The following BICC1 variants were observed in gnomAD, a reference collection of about 807,000 sequenced individuals.
BICC1 encodes BicC family RNA binding protein 1.
Under a neutral mutation model 111.0 loss-of-function variants are expected in BICC1, and 43 were observed. The ratio of observed to expected loss-of-function variants is 0.39; its 90% CI spans 0.30 to 0.50. BICC1 has a LOEUF of 0.50. BICC1 is among the 20% of genes least tolerant of loss of function. The probability of loss-of-function intolerance (pLI) is 0.88; values close to 1 mark genes in which losing one functional copy is unlikely to be tolerated. For missense variants in BICC1, 1,091 were observed against 1,203.2 expected (o/e 0.91, Z 1.38); for synonymous variants, 467 against 434.4 (o/e 1.07, Z -0.93).
intron 3 of BICC1, among the ~76,000 whole-genome samples, chr10:58,774,821 A>G (rs1435089194): frequency 1.3e-5 from 2 of 152,190 alleles, no homozygotes; most frequent in African/African-American, 2.4e-5. Context: ...CTTTATTCAT[A>G]GTTATATATT....
chr10:58,641,785 A>G (rs571615009), intron 2 of BICC1, among the ~76,000 whole-genome samples: 1 of 152,332 alleles, frequency 6.6e-6, no homozygotes, highest in South Asian at 2.1e-4. Context: ...TAAAACACAC[A>G]TAAAAGTTAC....
rs889972705 is a variant in BICC1 at position 58,804,508 on chromosome 10, A to T, written c.2181+1266A>T. ...ACTCTAGCCTGGGAGAGAGAGCGAGACCCTGTCTCAAAAATTAAAAATAAA... is the reference window on the plus strand; with the variant it reads ...ACTCTAGCCTGGGAGAGAGAGCGAGTCCCTGTCTCAAAAATTAAAAATAAA... On this transcript the variant is annotated intron_variant, in intron 15 of 20. Coordinates refer to ENST00000373886, the MANE Select transcript of BICC1 (RefSeq NM_001080512.3). Among the ~76,000 whole-genome samples, 6 of 152,134 alleles carry T rather than the reference A, an allele frequency of 3.9e-5. No individual in the cohort carries two copies. In the South Asian group the frequency reaches 6.2e-4, roughly 16 times the overall value.
intron 2 of BICC1, among the ~76,000 whole-genome samples, chr10:58,663,998 G>C (rs541490396): frequency 6.6e-6 from 1 of 152,158 alleles, no homozygotes; most frequent in Admixed American, 6.6e-5. Context: ...TTTAATTTAA[G>C]GCTTTTATGA....
intron 1 of BICC1, among the ~76,000 whole-genome samples, chr10:58,555,305 CATT>C (rs1843416011): frequency 5.3e-5 from 5 of 93,828 alleles, no homozygotes; most frequent in African/African-American, 2.2e-4. Flanking sequence ...GGCTGTTGGA[CATT>C]TTTTTTTTTT....
At chr10:58,573,761 A>G (rs1818881913) in intron 1 of BICC1, among the ~76,000 whole-genome samples, 1 of 152,096 alleles carries the variant, frequency 6.6e-6, no homozygotes, top group Non-Finnish European at 1.5e-5. Context: ...GTTTATTTGA[A>G]GCAGAAAGGG....
At chr10:58,566,339 TACATACACATATATATATACACAC>T (rs1843763214) in intron 1 of BICC1, among the ~76,000 whole-genome samples, 1 of 152,024 alleles carries the variant, frequency 6.6e-6, no homozygotes, top group Non-Finnish European at 1.5e-5. Context: ...ATTATATATA[TACATACACATATATATATACACAC>T]ACATATATGT....
chr10:58,614,583 G>C (rs145775363), intron 1 of BICC1, among the ~76,000 whole-genome samples: 110 of 152,222 alleles, frequency 7.2e-4, no homozygotes, highest in South Asian at 4.6e-3. Flanking sequence ...AAATTTTAGT[G>C]ATTTTTTTTC....
At chr10:58,628,522 T>A (rs1196034530) in intron 2 of BICC1, among the ~76,000 whole-genome samples, 1 of 152,194 alleles carries the variant, frequency 6.6e-6, no homozygotes, top group African/African-American at 2.4e-5. Context: ...CTCTGTGCCT[T>A]CTTTTCTTCA....
At chr10:58,600,959 G>A (rs1051822686) in intron 1 of BICC1, among the ~76,000 whole-genome samples, 1 of 151,592 alleles carries the variant, frequency 6.6e-6, no homozygotes, top group African/African-American at 2.4e-5. Flanking sequence ...GTTGTACGTG[G>A]ATTTTCTACT....
intron 1 of BICC1, among the ~76,000 whole-genome samples, chr10:58,585,372 C>T (rs1194246094): frequency 6.6e-6 from 1 of 152,088 alleles, no homozygotes; most frequent in African/African-American, 2.4e-5. Flanking sequence ...CGGGTGCTAT[C>T]ATTAGAAGAT....
chr10:58,574,202 A>G (rs368070295), intron 1 of BICC1, among the ~76,000 whole-genome samples: 18 of 152,288 alleles, frequency 1.2e-4, no homozygotes, highest in African/African-American at 4.3e-4. Context: ...AGATAATTAC[A>G]GACAGCACAA....
chr10:58,763,487 A>G (rs1842375803), intron 3 of BICC1, among the ~76,000 whole-genome samples: 1 of 152,202 alleles, frequency 6.6e-6, no homozygotes, highest in African/African-American at 2.4e-5. Flanking sequence ...CTATATTTGA[A>G]GGAAAAAAGA....
At chr10:58,779,826 C>G (rs1842838930) in intron 3 of BICC1, among the ~76,000 whole-genome samples, 1 of 152,252 alleles carries the variant, frequency 6.6e-6, no homozygotes, top group South Asian at 2.1e-4. Flanking sequence ...CTAGCTTTTC[C>G]CTATATGATT....
chr10:58,554,926 T>G (rs1843402136), intron 1 of BICC1, among the ~76,000 whole-genome samples: 1 of 151,880 alleles, frequency 6.6e-6, no homozygotes, highest in Non-Finnish European at 1.5e-5. Flanking sequence ...TAAGCTTAAT[T>G]CTGTTTGTTT....
intron 17 of BICC1, among the ~76,000 whole-genome samples, chr10:58,811,857 G>C (rs765426583): frequency 6.6e-6 from 1 of 152,124 alleles, no homozygotes; most frequent in Non-Finnish European, 1.5e-5. Context: ...GGAAAGAGTA[G>C]TAGGCCAAGG....
intron 3 of BICC1, among the ~76,000 whole-genome samples, chr10:58,782,328 A>T (rs2132770722): frequency 6.6e-6 from 1 of 152,314 alleles, no homozygotes; most frequent in East Asian, 1.9e-4. Context: ...CTTACTGTTA[A>T]TTTGTTTTGT....
intron 1 of BICC1, among the ~76,000 whole-genome samples, chr10:58,593,937 G>A (rs559232242): frequency 7.2e-5 from 11 of 152,036 alleles, no homozygotes; most frequent in African/African-American, 2.4e-4. Flanking sequence ...CAAGCTAAAG[G>A]AGCATGTTCT....
At chr10:58,743,990 C>A (rs1035798888) in intron 3 of BICC1, among the ~76,000 whole-genome samples, 2 of 152,022 alleles carry the variant, frequency 1.3e-5, no homozygotes, top group Non-Finnish European at 2.9e-5. Context: ...GTGAAATATT[C>A]ATGCCACAAA....
chr10:58,817,657 G>A lies in BICC1; in HGVS notation c.2629G>A (p.Asp877Asn). ...CTTAAATAGCTCTTTCAAAGGTTCTGACCTCCCTGAGCTCTTCAGCAAACT... is the reference window on the plus strand; with the variant it reads ...CTTAAATAGCTCTTTCAAAGGTTCTAACCTCCCTGAGCTCTTCAGCAAACT... Reference protein sequence around the residue: ...CNLNSSFKGSDLPELFSKLGL... With the variant: ...CNLNSSFKGSNLPELFSKLGL... The change falls in exon 19 of 21, where the codon GAC becomes AAC. Residue 877 changes from aspartate to asparagine, a missense_variant. By Grantham distance (23) the Asp-to-Asn change is conservative (BLOSUM62 1). This residue lies in a region of BICC1 where 231 missense variants were observed against 256.2 expected (regional missense o/e 0.90). Coordinates refer to ENST00000373886, the MANE Select transcript of BICC1 (RefSeq NM_001080512.3). 1 of 1,613,504 alleles carries A rather than the reference G, an allele frequency of 6.2e-7. No homozygotes were observed. Among genetic ancestry groups the A allele is most frequent in the South Asian group, 1.1e-5 (1 of 91,060 alleles).
Sources: gnomAD v4.1 joint callset for allele counts (sites outside exome capture counted in the v4.1 genomes callset) on GRCh38, gnomAD v4.1.1 for gene constraint, gnomAD v4.1.1 regional missense constraint, MANE v1.5 for transcripts, NCBI Gene and HGNC (gene_info 2026-07-23, HGNC 2026-07-21) for gene names.